Variants in EVC2 observed in about 807,000 individuals in gnomAD.
EVC2 encodes the protein EvC ciliary complex subunit 2.
A neutral mutation model predicts 149.3 loss-of-function variants in EVC2; 148 were observed. That is an observed-to-expected ratio of 0.99 (90% confidence interval 0.87 to 1.14). EVC2 has a LOEUF of 1.14. EVC2 is among the 50% of genes most tolerant of loss of function. EVC2 has a pLI of 0.00. For missense variants in EVC2, 1,854 were observed against 1,627.3 expected, an observed-to-expected ratio of 1.14 and a Z score of -2.40; for synonymous variants, 776 against 649.9, an observed-to-expected ratio of 1.19 and a Z score of -2.95.
intron 16 of EVC2, among the ~76,000 whole-genome samples, chr4:5,608,980 T>C (rs1714614619): frequency 6.6e-6 from 1 of 152,074 alleles, no homozygotes; most frequent in Non-Finnish European, 1.5e-5. Flanking sequence ...ATATCCATCT[T>C]CTCCTTGCCC....
intron 1 of EVC2, 125 bp from the exon 2 acceptor site, chr4:5,697,772 GT>G: frequency 2.5e-6 from 2 of 796,890 alleles, no homozygotes; most frequent in Non-Finnish European, 4.2e-6. Context: ...CTGAGACAGA[GT>G]CTTGCTCTGT....
chr4:5,642,474 T>A (rs1309324500), intron 9 of EVC2, among the ~76,000 whole-genome samples: 2 of 152,230 alleles, frequency 1.3e-5, no homozygotes, highest in African/African-American at 4.8e-5. Flanking sequence ...TATCATGTGA[T>A]AGACCACCAT....
At chr4:5,671,548 G>A (rs1176243918) in intron 7 of EVC2, among the ~76,000 whole-genome samples, 1 of 152,162 alleles carries the variant, frequency 6.6e-6, no homozygotes, top group Non-Finnish European at 1.5e-5. Flanking sequence ...TCTTGCTCTT[G>A]TTGCCCAGGC....
chr4:5,680,927 G>C (rs961162071), intron 7 of EVC2, among the ~76,000 whole-genome samples: 1 of 152,202 alleles, frequency 6.6e-6, no homozygotes, highest in Non-Finnish European at 1.5e-5. Context: ...GGAAGATCTG[G>C]GAAAACACAA....
intron 16 of EVC2, among the ~76,000 whole-genome samples, chr4:5,596,277 C>T (rs1713408772): frequency 6.6e-6 from 1 of 152,198 alleles, no homozygotes; most frequent in Non-Finnish European, 1.5e-5. Flanking sequence ...TTTTTCTCAG[C>T]ACCACACCAC....
chr4:5,605,085 T>C (rs549000176), intron 16 of EVC2, among the ~76,000 whole-genome samples: 1 of 152,318 alleles, frequency 6.6e-6, no homozygotes, highest in Non-Finnish European at 1.5e-5. Context: ...TTCTTTTCCC[T>C]AGCTTACTTT....
intron 2 of EVC2, among the ~76,000 whole-genome samples, chr4:5,695,844 T>A (rs929862710): frequency 6.6e-5 from 10 of 152,224 alleles, no homozygotes; most frequent in Non-Finnish European, 1.3e-4. Flanking sequence ...TTTGAAACTT[T>A]CTATAGAATT....
At chr4:5,629,281 C>G (rs1030580683) in intron 11 of EVC2, among the ~76,000 whole-genome samples, 34 of 152,344 alleles carry the variant, frequency 2.2e-4, no homozygotes, top group African/African-American at 8.2e-4. Context: ...GGACCTAACA[C>G]TGGGCCAAGA....
chr4:5,691,414 A>T (rs1160884597), intron 3 of EVC2, 81 bp from the exon 4 acceptor site: 5 of 1,165,934 alleles, frequency 4.3e-6, no homozygotes, highest in Non-Finnish European at 6.3e-6. Context: ...AGATAATGAA[A>T]TTTTTACAGA....
At chr4:5,604,706 C>G (rs939267977) in intron 16 of EVC2, among the ~76,000 whole-genome samples, 1 of 151,960 alleles carries the variant, frequency 6.6e-6, no homozygotes, top group African/African-American at 2.4e-5. Context: ...CTTAAATGTT[C>G]CCAACACACA....
rs544630065 is a variant in EVC2, at chr4:5,612,889, T to C, written c.2829+2533A>G. On this transcript the variant is annotated intron_variant, in intron 16 of 21. Coordinates refer to ENST00000344408, the MANE Select transcript of EVC2 (RefSeq NM_147127.5). Reference sequence around the variant, plus strand: ...GTGAGCCAGGATTGTGCCACTGCACTCCAGCCTGGGTGACAGAGCGAGACT... The same window carrying C: ...GTGAGCCAGGATTGTGCCACTGCACCCCAGCCTGGGTGACAGAGCGAGACT... 4.5e-3 allele frequency among the ~76,000 whole-genome samples: 542 copies of C among 120,034 alleles called. 3 individuals carry two copies. Among genetic ancestry groups the C allele is most frequent in the Middle Eastern group, 0.014 (2 of 140 alleles). The allele number at this position is 120,034 out of a possible 152,430, so 78.7% of individuals were successfully genotyped here.
At chr4:5,603,919 GA>G (rs1714190066) in intron 16 of EVC2, among the ~76,000 whole-genome samples, 1 of 152,224 alleles carries the variant, frequency 6.6e-6, no homozygotes, top group African/African-American at 2.4e-5. Flanking sequence ...AAGAGGAACT[GA>G]AATGTCCTTT....
rs1391938449 is a variant in EVC2 at position 5,640,091 on chromosome 4, A to T, written c.1470+423T>A. 2.6e-5 allele frequency among the ~76,000 whole-genome samples: 4 copies of T among 151,880 alleles called. No individual in the cohort carries two copies. The East Asian group carries it at 7.8e-4, about 29-fold the overall frequency. On this transcript the variant is annotated intron_variant, in intron 10 of 21. Transcript: ENST00000344408. The surrounding 1 kb of genome is among the most constrained non-coding windows in gnomAD (Gnocchi z 4.6). ...GCATGGGTGAATGGGTAAATGGATG[A>T]GTGGATGGGTAGAAGGCTAGATGGG...
Position 5,618,111 on chromosome 4 carries a change from T to C in EVC2, c.2706+367A>G, listed in dbSNP as rs74654434. On this transcript the variant is annotated intron_variant, in intron 15 of 21. Coordinates refer to ENST00000344408, the MANE Select transcript of EVC2 (RefSeq NM_147127.5). The surrounding 1 kb of genome is among the most constrained non-coding windows in gnomAD (Gnocchi z 4.4). ...CCTCTATGCCATATAGAAAGGCCTT[T>C]TGTACCCAGAGTCAGTCATTAGCTG... is the stretch of plus-strand genomic sequence containing the variant. Among the ~76,000 whole-genome samples, 409 of 152,244 alleles carry C rather than the reference T, an allele frequency of 2.7e-3. 4 individuals are homozygous for C. Among genetic ancestry groups the C allele is most frequent in the African/African-American group, 8.7e-3 (360 of 41,546 alleles).
At chr4:5,550,717 G>C (rs1721720009) in intron 21 of EVC2, among the ~76,000 whole-genome samples, 2 of 152,306 alleles carry the variant, frequency 1.3e-5, no homozygotes, top group African/African-American at 2.4e-5. Context: ...TGTCTCCAGG[G>C]CAGGTCAGAA....
chr4:5,563,953 C>T (rs1289161096), intron 21 of EVC2, among the ~76,000 whole-genome samples: 1 of 152,148 alleles, frequency 6.6e-6, no homozygotes, highest in African/African-American at 2.4e-5. Flanking sequence ...GGCAGTCCAA[C>T]CCCTGACTCC....
chr4:5,630,189 G>A (rs1394417415), intron 11 of EVC2, among the ~76,000 whole-genome samples: 1 of 152,186 alleles, frequency 6.6e-6, no homozygotes, highest in Non-Finnish European at 1.5e-5. Context: ...TGTCCTGGGT[G>A]CCTTCTGGGA....
Position 5,706,352 on chromosome 4 carries a change from AG to A in EVC2, c.228+1933del, listed in dbSNP as rs1387528897. On this transcript the variant is annotated intron_variant, in intron 1 of 21. Transcript: ENST00000344408. ...TAGATAGATAGATACATAGATAGAT[AG>A]ACACATAGATAGATACATAGATAGA... Among the ~76,000 whole-genome samples, 30 of 49,260 alleles carry A rather than the reference AG, an allele frequency of 6.1e-4. 4 individuals carry two copies. Among genetic ancestry groups the A allele is most frequent in the African/African-American group, 3.4e-3 (27 of 7,876 alleles). The allele number at this position is 49,260 out of a possible 152,430, so 32.3% of individuals were successfully genotyped here.
intron 9 of EVC2, among the ~76,000 whole-genome samples, chr4:5,647,927 G>A (rs1300572332): frequency 2.0e-5 from 3 of 152,196 alleles, no homozygotes; most frequent in Non-Finnish European, 4.4e-5. Flanking sequence ...ACCAGCTTTG[G>A]AGATAGAAGA....
Sources: allele counts gnomAD v4.1 joint callset (sites outside exome capture counted in the v4.1 genomes callset), GRCh38; gene constraint gnomAD v4.1.1; non-coding constraint Gnocchi (gnomAD v3.1); transcripts MANE v1.5; gene names NCBI Gene and HGNC (gene_info 2026-07-23, HGNC 2026-07-21).